ATP9B: variants seen among roughly 807,000 people sequenced by gnomAD.
ATP9B encodes probable phospholipid-transporting ATPase IIB.
ATP9B carries 110 observed loss-of-function variants against 146.1 expected under a neutral mutation model. That is an observed-to-expected ratio of 0.75 (90% CI 0.65 to 0.88). The LOEUF is 0.88. Among genes scored for constraint, ATP9B ranks in the 40% least tolerant of loss-of-function variants. The pLI is 0.00. For missense variants in ATP9B, 1,499 were observed against 1,496.4 expected (o/e 1.00, Z -0.03); for synonymous variants, 604 against 569.7 (o/e 1.06, Z -0.86).
At chr18:79,163,820 G>C (rs2094919690) in intron 7 of ATP9B, among the ~76,000 whole-genome samples, 3 of 146,864 alleles carry the variant, frequency 2.0e-5, no homozygotes, top group Admixed American at 6.8e-5. Context: ...TTTACCTTTA[G>C]GAATAGTTGT....
intron 1 of ATP9B, among the ~76,000 whole-genome samples, chr18:79,077,707 A>G (rs2146457819): frequency 6.6e-6 from 1 of 152,318 alleles, no homozygotes; most frequent in African/African-American, 2.4e-5. Flanking sequence ...AGTTTCCTCA[A>G]AAACAAGAGG....
At chr18:79,293,955 TA>T (rs1003244190) in intron 13 of ATP9B, among the ~76,000 whole-genome samples, 8 of 152,292 alleles carry the variant, frequency 5.3e-5, no homozygotes, top group African/African-American at 1.9e-4. Flanking sequence ...GGTCTTTGTG[TA>T]CATGTAGAAT....
chr18:79,291,446 A>G (rs1271302306), intron 13 of ATP9B, among the ~76,000 whole-genome samples: 1 of 152,208 alleles, frequency 6.6e-6, no homozygotes, highest in East Asian at 1.9e-4. Flanking sequence ...CAGACTCTAC[A>G]TTATCTACTA....
chr18:79,113,896 C>G (rs1055979191), intron 4 of ATP9B, among the ~76,000 whole-genome samples: 3 of 152,180 alleles, frequency 2.0e-5, no homozygotes, highest in Non-Finnish European at 4.4e-5. Context: ...TGAGAGTTTT[C>G]ATTAATTTTT....
At chr18:79,252,984 G>C (rs373434451) in intron 11 of ATP9B, among the ~76,000 whole-genome samples, 1 of 152,180 alleles carries the variant, frequency 6.6e-6, no homozygotes, top group Admixed American at 6.5e-5. Flanking sequence ...AGGAAGACCC[G>C]CCTGCGCCCT....
chr18:79,104,017 G>T (rs542289030), intron 2 of ATP9B, among the ~76,000 whole-genome samples: 23 of 152,318 alleles, frequency 1.5e-4, no homozygotes, highest in Admixed American at 6.5e-4. Flanking sequence ...TTTTGTGACA[G>T]CTAAGAGCCA....
intron 11 of ATP9B, among the ~76,000 whole-genome samples, chr18:79,248,378 T>C (rs2095989662): frequency 6.6e-6 from 1 of 152,240 alleles, no homozygotes; most frequent in South Asian, 2.1e-4. Flanking sequence ...CTTATTTTTT[T>C]CTTGTCTCTT....
At chr18:79,089,575 A>G (rs2074139749) in intron 1 of ATP9B, among the ~76,000 whole-genome samples, 1 of 152,128 alleles carries the variant, frequency 6.6e-6, no homozygotes, top group African/African-American at 2.4e-5. Flanking sequence ...TGGGTGATCT[A>G]AGGAAGACCT....
chr18:79,349,042 A>G (rs1306206002), intron 25 of ATP9B, among the ~76,000 whole-genome samples: 1 of 152,244 alleles, frequency 6.6e-6, no homozygotes, highest in African/African-American at 2.4e-5. Context: ...CACAGCAGGC[A>G]TGCGACGTGC....
intron 9 of ATP9B, among the ~76,000 whole-genome samples, chr18:79,201,746 T>A (rs1417973062): frequency 6.6e-6 from 1 of 152,116 alleles, no homozygotes; most frequent in African/African-American, 2.4e-5. Context: ...ATTTTTGTAT[T>A]TTTAGTAGAG....
At chr18:79,329,381 A>G in intron 16 of ATP9B, 79 bp downstream of exon 16, 2 of 1,417,814 alleles carry the variant, frequency 1.4e-6, no homozygotes, top group South Asian at 1.6e-5. Flanking sequence ...TTTTCCCAAA[A>G]GAAAGTTAAA....
intron 1 of ATP9B, among the ~76,000 whole-genome samples, chr18:79,084,616 T>C (rs895612293): frequency 2.6e-5 from 4 of 152,150 alleles, no homozygotes; most frequent in African/African-American, 9.7e-5. Flanking sequence ...GATATCCACA[T>C]TGGCGGTTGA....
intron 5 of ATP9B, among the ~76,000 whole-genome samples, chr18:79,140,799 G>C (rs1270042723): frequency 6.6e-6 from 1 of 152,026 alleles, no homozygotes; most frequent in Non-Finnish European, 1.5e-5. Context: ...GCAAAAAAAA[G>C]AGTAGGTAGT....
rs372516771 is a variant in ATP9B, at chr18:79,250,890, C to T, written c.1108-2491C>T. Among the ~76,000 whole-genome samples the T allele has an allele frequency of 2.4e-3, 366 of 152,316 alleles. 2 individuals carry two copies. Among genetic ancestry groups the T allele is most frequent in the South Asian group, 6.4e-3 (31 of 4,818 alleles). ...AGCCCCATGCTGGAGCTCCGAGATGCTGCTGTGGACGTTTTACTTGGCTAG... is the reference window on the plus strand; with the variant it reads ...AGCCCCATGCTGGAGCTCCGAGATGTTGCTGTGGACGTTTTACTTGGCTAG... On this transcript the variant is annotated intron_variant, in intron 11 of 29. Coordinates refer to ENST00000426216, the MANE Select transcript of ATP9B (RefSeq NM_198531.5).
chr18:79,209,708 A>C, intron 10 of ATP9B: 17 of 981,956 alleles, frequency 1.7e-5, no homozygotes, highest in Non-Finnish European at 2.1e-5. Flanking sequence ...CATCCACTCG[A>C]GAAGCTTAAT....
At chr18:79,191,869 A>G (rs957794046) in intron 8 of ATP9B, among the ~76,000 whole-genome samples, 1 of 152,096 alleles carries the variant, frequency 6.6e-6, no homozygotes, top group African/African-American at 2.4e-5. Flanking sequence ...AGAAATTTGG[A>G]TCATCTCTTC....
chr18:79,268,560 A>AAAGTC (rs1348117251), intron 12 of ATP9B, among the ~76,000 whole-genome samples: 1 of 152,170 alleles, frequency 6.6e-6, no homozygotes, highest in Non-Finnish European at 1.5e-5. Context: ...ATCAGAGTTA[A>AAAGTC]AAGTCAGTTC....
At chr18:79,317,090 A>G (rs527327087) in intron 15 of ATP9B, among the ~76,000 whole-genome samples, 4 of 152,330 alleles carry the variant, frequency 2.6e-5, no homozygotes, top group Admixed American at 2.6e-4. Context: ...AGTAGACGAG[A>G]AAAGAAATTT....
At chr18:79,088,997 C>A (rs1356303021) in intron 1 of ATP9B, among the ~76,000 whole-genome samples, 1 of 152,128 alleles carries the variant, frequency 6.6e-6, no homozygotes, top group African/African-American at 2.4e-5. Flanking sequence ...GTTAAGAATT[C>A]TTTTTTACAT....
Sources: allele counts gnomAD v4.1 joint callset (sites outside exome capture counted in the v4.1 genomes callset), GRCh38; gene constraint gnomAD v4.1.1; transcripts MANE v1.5; gene names NCBI Gene and HGNC (gene_info 2026-07-23, HGNC 2026-07-21).